Variants in PALM2AKAP2 observed in about 807,000 individuals in gnomAD.
PALM2AKAP2 encodes PALM2-AKAP2 fusion protein.
In PALM2AKAP2, 37 loss-of-function variants were observed where a neutral mutation model predicts 71.5. That is an observed-to-expected ratio of 0.52 (90% confidence interval 0.40 to 0.68). The LOEUF (loss-of-function observed/expected upper bound fraction) is 0.68. PALM2AKAP2 is among the 30% of genes least tolerant of loss of function. PALM2AKAP2 has a pLI of 0.00. For synonymous variants in PALM2AKAP2, 468 were observed against 478.8 expected, an observed-to-expected ratio of 0.98 and a Z score of 0.29; for missense variants, 1,224 against 1,191.8, an observed-to-expected ratio of 1.03 and a Z score of -0.40.
At chr9:110,055,123 T>A (rs892316893) in intron 1 of PALM2AKAP2, among the ~76,000 whole-genome samples, 1 of 152,188 alleles carries the variant, frequency 6.6e-6, no homozygotes, top group Non-Finnish European at 1.5e-5. Context: ...TTGGTCTTCA[T>A]TGGGACAATG....
At chr9:109,997,253 C>A (rs80263405) in intron 6 of PALM2AKAP2, among the ~76,000 whole-genome samples, 2,902 of 152,190 alleles carry the variant, frequency 0.019, 49 homozygotes, top group South Asian at 0.1. Context: ...GATTCCATCA[C>A]TTGTTAGCTC....
chr9:109,829,124 A>G (rs186826173), intron 1 of PALM2AKAP2, among the ~76,000 whole-genome samples: 1 of 152,334 alleles, frequency 6.6e-6, no homozygotes, highest in Admixed American at 6.5e-5. Flanking sequence ...TATTTAAATA[A>G]TTTTTAAGAT....
intron 3 of PALM2AKAP2, among the ~76,000 whole-genome samples, chr9:109,882,818 T>A (rs1228646964): frequency 6.8e-6 from 1 of 146,156 alleles, no homozygotes; most frequent in Non-Finnish European, 1.5e-5. Context: ...TTATTATTAT[T>A]TTTTTTTTTT....
chr9:109,836,608 C>T (rs571308480), intron 1 of PALM2AKAP2, among the ~76,000 whole-genome samples: 104 of 152,282 alleles, frequency 6.8e-4, no homozygotes, highest in Non-Finnish European at 1.1e-3. Flanking sequence ...TCAAACCCAT[C>T]GCAAAGAAGC....
intron 1 of PALM2AKAP2, among the ~76,000 whole-genome samples, chr9:109,761,396 T>G (rs909220147): frequency 3.9e-5 from 6 of 152,198 alleles, no homozygotes; most frequent in Non-Finnish European, 7.3e-5. Context: ...TCGGGATACA[T>G]GTGCAGAATG....
intron 1 of PALM2AKAP2, among the ~76,000 whole-genome samples, chr9:109,791,739 G>T (rs183777846): frequency 4.7e-4 from 71 of 152,288 alleles, no homozygotes; most frequent in Admixed American, 1.7e-3. Context: ...GCAGACTCCT[G>T]AGGGGACAGA....
At chr9:109,719,955 G>A (rs148073247) in intron 1 of PALM2AKAP2, among the ~76,000 whole-genome samples, 1 of 152,108 alleles carries the variant, frequency 6.6e-6, no homozygotes, top group East Asian at 1.9e-4. Flanking sequence ...CAATAAACAT[G>A]ATAGCTACTA....
chr9:109,961,502 T>G (rs1025846475), intron 6 of PALM2AKAP2, among the ~76,000 whole-genome samples: 32 of 141,510 alleles, frequency 2.3e-4, no homozygotes, highest in African/African-American at 8.2e-4. Flanking sequence ...TGTTATTGAG[T>G]GGCCACTTAG....
Position 109,665,272 on chromosome 9 carries a change from T to G in PALM2AKAP2, c.5+24406T>G, listed in dbSNP as rs576698976. Among the ~76,000 whole-genome samples the G allele has an allele frequency of 2.6e-5, 4 of 152,324 alleles. No individual in the cohort carries two copies. The South Asian group carries it at 6.2e-4, about 24-fold the overall frequency. ...CTTTGGAGGAGAAGAGGCGTTCTGA[T>G]TTTTAGAATTTTCAGCTTTTCTCCT... On this transcript the variant is annotated intron_variant, in intron 1 of 6. Coordinates refer to the PALM2AKAP2 transcript ENST00000374531.
chr9:109,703,358 C>G (rs1363142065), intron 1 of PALM2AKAP2, among the ~76,000 whole-genome samples: 1 of 152,068 alleles, frequency 6.6e-6, no homozygotes, highest in Non-Finnish European at 1.5e-5. Context: ...ATTTTTCTTA[C>G]TATCTAAGTT....
chr9:109,740,914 A>G (rs1828706715), intron 1 of PALM2AKAP2, among the ~76,000 whole-genome samples: 1 of 152,160 alleles, frequency 6.6e-6, no homozygotes, highest in Non-Finnish European at 1.5e-5. Context: ...GGCCTCCCAA[A>G]GCGCTGGGAT....
intron 1 of PALM2AKAP2, among the ~76,000 whole-genome samples, chr9:109,715,232 G>A (rs574012072): frequency 1.4e-4 from 22 of 152,254 alleles, no homozygotes; most frequent in Middle Eastern, 3.4e-3. Context: ...AGATAGGCCC[G>A]CTTTCCAGAT....
At chr9:109,696,282 G>A (rs575217047) in intron 1 of PALM2AKAP2, among the ~76,000 whole-genome samples, 117 of 152,166 alleles carry the variant, frequency 7.7e-4, no homozygotes, top group African/African-American at 2.7e-3. Context: ...TTTAAAAGTG[G>A]GCAAAGGACA....
intron 6 of PALM2AKAP2, among the ~76,000 whole-genome samples, chr9:109,991,361 C>T (rs778593632): frequency 1.3e-5 from 2 of 151,910 alleles, no homozygotes; most frequent in African/African-American, 2.4e-5. Flanking sequence ...CTCAGCCTCC[C>T]GAGTAGCTGG....
intron 1 of PALM2AKAP2, among the ~76,000 whole-genome samples, chr9:109,842,484 C>T (rs963254755): frequency 1.3e-5 from 2 of 152,160 alleles, no homozygotes; most frequent in Admixed American, 6.5e-5. Context: ...ATACATTATC[C>T]AGCTTAAACT....
intron 1 of PALM2AKAP2, among the ~76,000 whole-genome samples, chr9:109,838,291 G>A (rs1204281291): frequency 1.3e-5 from 2 of 152,160 alleles, no homozygotes; most frequent in Non-Finnish European, 2.9e-5. Flanking sequence ...GGTACATAAT[G>A]AAATGAAGGC....
chr9:109,724,287 C>T (rs879609838), intron 1 of PALM2AKAP2, among the ~76,000 whole-genome samples: 1 of 152,152 alleles, frequency 6.6e-6, no homozygotes, highest in African/African-American at 2.4e-5. Context: ...CAGGAAGTCT[C>T]ATATTGTAAA....
chr9:109,670,178 T>C (rs1296095114), intron 1 of PALM2AKAP2, among the ~76,000 whole-genome samples: 2 of 152,280 alleles, frequency 1.3e-5, no homozygotes, highest in East Asian at 3.9e-4. Context: ...GGTAGACTTG[T>C]GTCATGGGAG....
chr9:109,737,327 A>G (rs1828652316), intron 1 of PALM2AKAP2, among the ~76,000 whole-genome samples: 1 of 152,196 alleles, frequency 6.6e-6, no homozygotes, highest in East Asian at 1.9e-4. Context: ...CCATGGATCT[A>G]TTTGTTCTGT....
Sources: allele counts gnomAD v4.1 joint callset (sites outside exome capture counted in the v4.1 genomes callset), GRCh38; gene constraint gnomAD v4.1.1; transcripts MANE v1.5; gene names NCBI Gene and HGNC (gene_info 2026-07-23, HGNC 2026-07-21).